RBBP8NL: variants seen among roughly 807,000 people sequenced by gnomAD.
RBBP8NL encodes the protein RBBP8 N-terminal like.
RBBP8NL carries 59 observed loss-of-function variants against 62.2 expected under a neutral mutation model. The ratio of observed to expected loss-of-function variants is 0.95; its 90% CI spans 0.77 to 1.18. The LOEUF (loss-of-function observed/expected upper bound fraction) is 1.18. Ranked by LOEUF, RBBP8NL falls within the 50% of genes most tolerant of loss-of-function variation. RBBP8NL has a pLI of 0.00. For synonymous variants in RBBP8NL, 412 were observed against 394.1 expected (o/e 1.05, Z -0.54); for missense variants, 896 against 899.5 (o/e 1.00, Z 0.05).
chr20:62,415,336 C>T, intron 8 of RBBP8NL, 49 bp from the exon 9 acceptor site: 1 of 1,522,126 alleles, frequency 6.6e-7, no homozygotes, highest in East Asian at 2.4e-5. Flanking sequence ...GTGGCCTCTG[C>T]TGTGGCCTCT....
At chr20:62,419,973 G>T (rs532420882) in intron 1 of RBBP8NL, among the ~76,000 whole-genome samples, 1 of 152,170 alleles carries the variant, frequency 6.6e-6, no homozygotes, top group African/African-American at 2.4e-5. Context: ...GCTGGCTGCC[G>T]TGCGGGAGGG....
At chr20:62,416,285 G>GT in intron 5 of RBBP8NL, 49 bp from the exon 6 acceptor site, 1 of 1,263,536 alleles carries the variant, frequency 7.9e-7, no homozygotes, top group Non-Finnish European at 1.1e-6. Flanking sequence ...GGGGGGACAG[G>GT]GGCAGGGGTG....
At chr20:62,416,288 CA>C in intron 5 of RBBP8NL, 52 bp from the exon 6 acceptor site, 3 of 206,532 alleles carry the variant, frequency 1.5e-5, no homozygotes, top group Non-Finnish European at 1.9e-5. Context: ...GGGACAGGGG[CA>C]GGGGTGGGGT....
Position 62,415,777 on chromosome 20 carries a change from C to T in RBBP8NL, c.544+11G>A. ...GCCCAGCCTCCCAGCCTCACCCGGT[C>T]CCCACAGCACCTTCTCCCCGTAGGC... is the stretch of plus-strand genomic sequence containing the variant. On this transcript the variant is annotated intron_variant, in intron 7 of 13. Coordinates refer to ENST00000252998, the MANE Select transcript of RBBP8NL (RefSeq NM_080833.3). The T allele has an allele frequency of 4.3e-6, 7 of 1,611,528 alleles. No individual in the cohort carries two copies. Among genetic ancestry groups the T allele is most frequent in the Non-Finnish European group, 5.9e-6 (7 of 1,179,812 alleles).
intron 1 of RBBP8NL, among the ~76,000 whole-genome samples, chr20:62,425,085 G>C (rs935626149): frequency 6.6e-6 from 1 of 152,184 alleles, no homozygotes; most frequent in African/African-American, 2.4e-5. Context: ...CTCACCTGGG[G>C]GTGACAGCAC....
intron 1 of RBBP8NL, among the ~76,000 whole-genome samples, chr20:62,422,134 G>A (rs1004788820): frequency 1.2e-4 from 19 of 152,288 alleles, no homozygotes; most frequent in African/African-American, 4.6e-4. Context: ...CCAACTTCGG[G>A]CTCGCAGCTG....
chr20:62,416,169 G>GC lies in RBBP8NL; in HGVS notation c.380dup (p.Leu128ProfsTer43). On this transcript the variant is annotated frameshift_variant, in exon 6 of 14. Coordinates refer to ENST00000252998, the MANE Select transcript of RBBP8NL (RefSeq NM_080833.3). LOFTEE classifies it high-confidence loss of function. ...TGGGACCCTTTCCCACTCACCCCAG[G>GC]CCCCGAAGCCGCTTCACCTCCTCCT... is the stretch of plus-strand genomic sequence containing the variant. The GC allele has an allele frequency of 1.2e-6, 2 of 1,612,012 alleles. No individual in the cohort carries two copies.
Position 62,413,996 on chromosome 20 carries a change from C to A in RBBP8NL, c.1355G>T (p.Gly452Val), listed in dbSNP as rs1191608792. 1 of 1,569,320 alleles carries A rather than the reference C, an allele frequency of 6.4e-7. No homozygotes were observed. Among genetic ancestry groups the A allele is most frequent in the Non-Finnish European group, 8.6e-7 (1 of 1,158,370 alleles). Residue 452 changes from glycine to valine, a missense_variant, in exon 10 of 14, where the codon GGC becomes GTC. Coordinates refer to ENST00000252998, the MANE Select transcript of RBBP8NL (RefSeq NM_080833.3). ...GCCGGCCGGCTTGGGAGTGTCCTGG[C>A]CCCGGGCCCGGCCCCACTCCGAGAG... ...LDLSEWGRAR[G>V]QDTPKPAGQH...
chr20:62,423,700 C>T (rs1424712802), intron 1 of RBBP8NL, among the ~76,000 whole-genome samples: 1 of 152,218 alleles, frequency 6.6e-6, no homozygotes, highest in East Asian at 1.9e-4. Context: ...GACGGAGCCT[C>T]TGCTGTGCCT....
chr20:62,415,874 C>T lies in RBBP8NL; in HGVS notation c.458G>A (p.Gly153Asp), dbSNP rs753525025. ...PPSPLLLPSP[G>D]GWKAITEKPP... ...CTTCTCTGTGATGGCCTTCCAGCCA[C>T]CAGGGGAGGGGAGCAGCAGGGGTGA... The change falls in exon 7 of 14, where the codon GGT becomes GAT. Residue 153 changes from glycine (G) to aspartate (D), a missense_variant. Physicochemically the swap from Gly to Asp is moderately conservative, Grantham distance 94. Transcript: ENST00000252998. 1.2e-6 allele frequency: 2 copies of T among 1,610,384 alleles called. No individual in the cohort carries two copies. Among genetic ancestry groups the T allele is most frequent in the Non-Finnish European group, 1.7e-6 (2 of 1,179,200 alleles).
rs776909258 is a variant in RBBP8NL, at chr20:62,413,423, C to T, written c.1653G>A (p.Pro551=). The change falls in exon 11 of 14, where the codon CCG becomes CCA. Residue 551 remains proline (P), a synonymous_variant. Coordinates refer to ENST00000252998, the MANE Select transcript of RBBP8NL (RefSeq NM_080833.3). ...PHPQPPPHPQ[P]PDLDGHPEPS... ...TACCTGGGTGGCCGTCCAGGTCAGG[C>T]GGCTGTGGGTGGGGAGGCGGCTGTG... is the stretch of plus-strand genomic sequence containing the variant. 2.0e-5 allele frequency: 29 copies of T among 1,453,940 alleles called. No individual in the cohort carries two copies. Among genetic ancestry groups the T allele is most frequent in the Admixed American group, 5.5e-5 (2 of 36,324 alleles). The allele number at this position is 1,453,940 out of a possible 1,614,324, so 90.1% of individuals were successfully genotyped here.
chr20:62,412,472 G>A, intron 13 of RBBP8NL, 152 bp downstream of exon 13: 2 of 1,041,208 alleles, frequency 1.9e-6, no homozygotes, highest in East Asian at 2.4e-5. Context: ...CCTCTGTGGG[G>A]TTCATTTGGG....
chr20:62,425,536 C>T (rs1601492818), intron 1 of RBBP8NL, among the ~76,000 whole-genome samples: 3 of 152,362 alleles, frequency 2.0e-5, no homozygotes, highest in Middle Eastern at 3.4e-3. Context: ...ATTGTCCGGC[C>T]GAGTGCCAAA....
chr20:62,415,100 G>A, intron 9 of RBBP8NL, 21 bp downstream of exon 9: 2 of 1,450,594 alleles, frequency 1.4e-6, no homozygotes, highest in Non-Finnish European at 1.8e-6. Context: ...TACTCTGGGT[G>A]AGGGTGGGGC....
At position 62,415,783 on chromosome 20, in the gene RBBP8NL, A is replaced by C; in HGVS notation, c.544+5T>G. On this transcript the variant is annotated splice_donor_5th_base_variant and intron_variant, in intron 7 of 13. Transcript: ENST00000252998. ...CCTCCCAGCCTCACCCGGTCCCCAC[A>C]GCACCTTCTCCCCGTAGGCCCACGC... 6.2e-7 allele frequency: 1 copy of C among 1,611,776 alleles called. No homozygotes were observed. The highest frequency in any genetic ancestry group is 8.5e-7 in the Non-Finnish European group (1 of 1,179,842).
At chr20:62,411,222 G>A (rs975896660) in intron 13 of RBBP8NL, among the ~76,000 whole-genome samples, 12 of 152,234 alleles carry the variant, frequency 7.9e-5, no homozygotes, top group Admixed American at 7.8e-4. Flanking sequence ...TCTCCCCATT[G>A]TGTGACCCCG....
At chr20:62,416,121 TG>T in intron 6 of RBBP8NL, 42 bp downstream of exon 6, 1 of 1,571,960 alleles carries the variant, frequency 6.4e-7, no homozygotes, top group Admixed American at 1.7e-5. Flanking sequence ...CGGGGGGTGC[TG>T]GGGAGTTGGG....
chr20:62,414,799 G>A (rs1235588179), intron 9 of RBBP8NL, among the ~76,000 whole-genome samples: 1 of 152,218 alleles, frequency 6.6e-6, no homozygotes, highest in Non-Finnish European at 1.5e-5. Flanking sequence ...GCTCCAAGGT[G>A]GGGCCAGATG....
chr20:62,416,108 G>A, intron 6 of RBBP8NL, 56 bp downstream of exon 6: 1 of 1,543,046 alleles, frequency 6.5e-7, no homozygotes, highest in Non-Finnish European at 8.9e-7. Flanking sequence ...GCTGGGTGCT[G>A]CTCGGGGGGT....
Sources: gnomAD v4.1 joint callset for allele counts (sites outside exome capture counted in the v4.1 genomes callset) on GRCh38, gnomAD v4.1.1 for gene constraint, MANE v1.5 for transcripts, NCBI Gene and HGNC (gene_info 2026-07-23, HGNC 2026-07-21) for gene names.